KSR2: variants seen among roughly 807,000 people sequenced by gnomAD.
KSR2 encodes kinase suppressor of ras 2.
A neutral mutation model predicts 107.8 loss-of-function variants in KSR2; 25 were observed. The ratio of observed to expected loss-of-function variants is 0.23; its 90% CI spans 0.17 to 0.32. KSR2 has a LOEUF of 0.32. Ranked by LOEUF, KSR2 falls within the 10% of genes least tolerant of loss-of-function variation. The pLI is 1.00. For missense variants in KSR2, 887 were observed against 1,268.9 expected, an observed-to-expected ratio of 0.70 and a Z score of 4.57; for synonymous variants, 480 against 507.0, an observed-to-expected ratio of 0.95 and a Z score of 0.71.
rs749755380 is a variant in KSR2, at chr12:117,798,709, CA to C, written c.473-37186del. 2.6e-3 allele frequency among the ~76,000 whole-genome samples: 299 copies of C among 117,068 alleles called. 1 individual carries two copies. The highest frequency in any genetic ancestry group is 6.5e-3 in the East Asian group (23 of 3,560). The allele number at this position is 117,068 out of a possible 152,430, so 76.8% of individuals were successfully genotyped here. On this transcript the variant is annotated intron_variant, in intron 3 of 19. Transcript: ENST00000339824. ...AAAAGGGGGAGGTAGGCAAAAAGTC[CA>C]AAAAAAAAAAATATATATATATATA...
At chr12:117,911,202 A>AG (rs1405406661) in intron 1 of KSR2, among the ~76,000 whole-genome samples, 1 of 146,210 alleles carries the variant, frequency 6.8e-6, no homozygotes, top group African/African-American at 2.6e-5. Context: ...ACACACACTC[A>AG]AGAAACAAGA....
chr12:117,804,389 C>T (rs953456424), intron 3 of KSR2, among the ~76,000 whole-genome samples: 2 of 152,144 alleles, frequency 1.3e-5, no homozygotes, highest in African/African-American at 4.8e-5. Context: ...AGAATTGAGT[C>T]GTTTCAACAA....
chr12:117,894,730 T>G (rs1196230472), intron 1 of KSR2, among the ~76,000 whole-genome samples: 2 of 59,004 alleles, frequency 3.4e-5, no homozygotes, highest in African/African-American at 1.4e-4. Flanking sequence ...CCCGTCCCCA[T>G]CTCCCTCTCC....
chr12:117,481,740 C>T (rs1872188721), intron 16 of KSR2, among the ~76,000 whole-genome samples: 1 of 152,212 alleles, frequency 6.6e-6, no homozygotes, highest in Non-Finnish European at 1.5e-5. Context: ...GGCCCTGCTT[C>T]CTGCAAAGCC....
intron 1 of KSR2, among the ~76,000 whole-genome samples, chr12:117,930,677 A>G (rs1468206748): frequency 6.6e-6 from 1 of 152,152 alleles, no homozygotes; most frequent in Non-Finnish European, 1.5e-5. Flanking sequence ...GTACTTTGGG[A>G]GGGCAAGGCA....
intron 3 of KSR2, among the ~76,000 whole-genome samples, chr12:117,830,027 G>A (rs1891901216): frequency 6.6e-6 from 1 of 152,120 alleles, no homozygotes; most frequent in Non-Finnish European, 1.5e-5. Flanking sequence ...CAGCACTCTG[G>A]GAGGCCAAGA....
intron 6 of KSR2, among the ~76,000 whole-genome samples, chr12:117,581,219 GC>G (rs967208698): frequency 6.6e-5 from 10 of 151,958 alleles, no homozygotes; most frequent in Non-Finnish European, 1.0e-4. Flanking sequence ...CCTCCTCCAT[GC>G]CCCCAGCTAT....
intron 5 of KSR2, among the ~76,000 whole-genome samples, chr12:117,625,780 A>C (rs1461498504): frequency 6.6e-6 from 1 of 152,186 alleles, no homozygotes; most frequent in African/African-American, 2.4e-5. Context: ...AAGGAATGGT[A>C]CCAGCTCATC....
rs192048244 is a variant in KSR2, at chr12:117,455,272, C to T, written c.*11927G>A. 1 of 152,252 alleles carries T rather than the reference C, an allele frequency of 6.6e-6. No homozygotes were observed. Among genetic ancestry groups the T allele is most frequent in the African/African-American group, 2.4e-5 (1 of 41,450 alleles). The allele number at this position is 152,252 out of a possible 1,614,324, so 9.4% of individuals were successfully genotyped here. A position where few individuals can be genotyped will look rare whatever the true frequency, so the allele number is the denominator to read the frequency against. ...CACCCTCTGTTTGGAGATGGAGACTCCAGGGTCCCAAAATCAGGCTTTGGG... is the reference window on the plus strand; with the variant it reads ...CACCCTCTGTTTGGAGATGGAGACTTCAGGGTCCCAAAATCAGGCTTTGGG... On this transcript the variant is annotated 3_prime_UTR_variant, in exon 20 of 20. Transcript: ENST00000339824.
chr12:117,672,128 A>G (rs1383796277), intron 4 of KSR2, among the ~76,000 whole-genome samples: 1 of 152,178 alleles, frequency 6.6e-6, no homozygotes, highest in Non-Finnish European at 1.5e-5. Flanking sequence ...GCCCATGGTC[A>G]GAGAAGAAAG....
At chr12:117,697,314 C>T (rs981498268) in intron 4 of KSR2, among the ~76,000 whole-genome samples, 1 of 152,216 alleles carries the variant, frequency 6.6e-6, no homozygotes, top group Non-Finnish European at 1.5e-5. Flanking sequence ...TCCTCCACCC[C>T]CAGAGGGCTT....
chr12:117,793,268 G>T, intron 3 of KSR2, among the ~76,000 whole-genome samples: 1 of 73,168 alleles, frequency 1.4e-5, no homozygotes, highest in Admixed American at 1.6e-4. Flanking sequence ...ACACCAACAT[G>T]CACACACGCC....
intron 5 of KSR2, among the ~76,000 whole-genome samples, chr12:117,654,817 A>G (rs1261139885): frequency 6.6e-6 from 1 of 152,216 alleles, no homozygotes; most frequent in East Asian, 1.9e-4. Flanking sequence ...GAGTTCAATA[A>G]TCAAGTGGAT....
intron 17 of KSR2, 53 bp from the exon 18 acceptor site, chr12:117,471,373 T>C (rs1871449280): frequency 1.3e-6 from 2 of 1,579,838 alleles, no homozygotes; most frequent in Admixed American, 1.7e-5. Context: ...ACTTGCAACC[T>C]TGTACCTCCA....
At chr12:117,914,443 A>AG (rs1192533077) in intron 1 of KSR2, among the ~76,000 whole-genome samples, 1 of 147,214 alleles carries the variant, frequency 6.8e-6, no homozygotes, top group Non-Finnish European at 1.5e-5. Flanking sequence ...AAAAAAAAAA[A>AG]GCCAAACAAC....
chr12:117,809,155 T>A (rs959030918), intron 3 of KSR2, among the ~76,000 whole-genome samples: 2 of 151,918 alleles, frequency 1.3e-5, no homozygotes, highest in African/African-American at 4.8e-5. Flanking sequence ...GACTTTAAGG[T>A]TTATCTTTTA....
chr12:117,748,354 A>G (rs1307570992), intron 4 of KSR2, among the ~76,000 whole-genome samples: 1 of 152,214 alleles, frequency 6.6e-6, no homozygotes, highest in East Asian at 1.9e-4. Flanking sequence ...GATAGGAGGA[A>G]TAAGTTTTTC....
chr12:117,576,957 G>A (rs564431642), intron 7 of KSR2, among the ~76,000 whole-genome samples: 49 of 152,238 alleles, frequency 3.2e-4, no homozygotes, highest in African/African-American at 1.1e-3. Context: ...CATCTGGCCT[G>A]TACTTCTCTT....
chr12:117,862,165 G>C (rs746124220), intron 1 of KSR2, among the ~76,000 whole-genome samples: 3 of 151,642 alleles, frequency 2.0e-5, no homozygotes, highest in African/African-American at 7.3e-5. Context: ...TGGCTCAAGA[G>C]AGCCTCCTGC....
Sources: allele counts gnomAD v4.1 joint callset (sites outside exome capture counted in the v4.1 genomes callset), GRCh38; gene constraint gnomAD v4.1.1; transcripts MANE v1.5; gene names NCBI Gene and HGNC (gene_info 2026-07-23, HGNC 2026-07-21).